Variants in GPR137C observed in about 807,000 individuals in gnomAD.
GPR137C encodes the protein G protein-coupled receptor 137C, also known as integral membrane protein GPR137C.
A neutral mutation model predicts 43.4 loss-of-function variants in GPR137C; 27 were observed. The observed-to-expected ratio is 0.62, with a 90% CI of 0.46 to 0.86. The LOEUF is 0.86. Ranked by LOEUF, GPR137C falls within the 40% of genes least tolerant of loss-of-function variation. The probability of loss-of-function intolerance (pLI) is 0.00; values close to 1 mark genes in which losing one functional copy is unlikely to be tolerated. For missense variants in GPR137C, 522 were observed against 534.6 expected (o/e 0.98, Z 0.23); for synonymous variants, 285 against 226.9 (o/e 1.26, Z -2.30).
chr14:52,574,677 C>T (rs911864638), intron 1 of GPR137C, among the ~76,000 whole-genome samples: 15 of 152,116 alleles, frequency 9.9e-5, no homozygotes. Flanking sequence ...CAAACTTGCA[C>T]GTTCTGCACG....
In GPR137C at chr14:52,600,098, C is replaced by T; in HGVS notation, c.489-15C>T. The T allele has an allele frequency of 1.9e-6, 3 of 1,559,758 alleles. No homozygotes were observed. Among genetic ancestry groups the T allele is most frequent in the South Asian group, 2.2e-5 (2 of 89,680 alleles). ...ATTAGTTATATAACCATCTAATATA[C>T]TTTTTTTCTTTCAGAATTCTACTGC... On this transcript the variant is annotated splice_polypyrimidine_tract_variant and intron_variant, in intron 2 of 6. Transcript: ENST00000321662.
intron 1 of GPR137C, among the ~76,000 whole-genome samples, chr14:52,556,209 T>C (rs1461212991): frequency 1.3e-5 from 2 of 152,166 alleles, no homozygotes; most frequent in Non-Finnish European, 2.9e-5. Flanking sequence ...ATATTACTTT[T>C]CACTTGTTTA....
chr14:52,584,773 T>G (rs1459761164), intron 1 of GPR137C, among the ~76,000 whole-genome samples: 3 of 152,030 alleles, frequency 2.0e-5, no homozygotes, highest in African/African-American at 7.2e-5. Context: ...TAGTCCTGAT[T>G]GATTGATTGC....
rs561675187 is a variant in GPR137C, at chr14:52,558,799, A to C, written c.444+5208A>C. ...ATTAAAAACTGAAATGGATGGTTAA[A>C]CAGATTAAACACAGTTAAAAAGAAA... On this transcript the variant is annotated intron_variant, in intron 1 of 6. Coordinates refer to ENST00000321662, the MANE Select transcript of GPR137C (RefSeq NM_001099652.2). Among the ~76,000 whole-genome samples, 11 of 152,342 alleles carry C rather than the reference A, an allele frequency of 7.2e-5. No individual in the cohort carries two copies. The South Asian group carries it at 2.1e-3, about 29-fold the overall frequency.
At chr14:52,612,414 C>G (rs1408403991) in intron 3 of GPR137C, 1 of 980,290 alleles carries the variant, frequency 1.0e-6, no homozygotes, top group African/African-American at 1.8e-5. Context: ...GAATGTCAGC[C>G]TCCATAATGT....
At chr14:52,556,391 C>CTTTTTTTTT (rs76210630) in intron 1 of GPR137C, among the ~76,000 whole-genome samples, 1 of 140,276 alleles carries the variant, frequency 7.1e-6, no homozygotes. Context: ...CCCCTTTTTT[C>CTTTTTTTTT]TTTTTTTTTT....
At chr14:52,594,629 A>G (rs918299922) in intron 1 of GPR137C, among the ~76,000 whole-genome samples, 2 of 152,166 alleles carry the variant, frequency 1.3e-5, no homozygotes, top group Non-Finnish European at 2.9e-5. Flanking sequence ...ATCAGAGACT[A>G]TGATTGCAAC....
chr14:52,574,902 A>G (rs953641870), intron 1 of GPR137C, among the ~76,000 whole-genome samples: 1 of 152,152 alleles, frequency 6.6e-6, no homozygotes, highest in Non-Finnish European at 1.5e-5. Flanking sequence ...AAAAGCATGA[A>G]TGGTTTTATG....
intron 3 of GPR137C, chr14:52,612,988 T>C (rs925202468): frequency 1.3e-5 from 2 of 152,032 alleles, no homozygotes; most frequent in African/African-American, 4.9e-5. Context: ...TCACGCCTGT[T>C]GTAATCCCAG....
intron 1 of GPR137C, among the ~76,000 whole-genome samples, chr14:52,590,398 G>A (rs2139504621): frequency 6.6e-6 from 1 of 152,192 alleles, no homozygotes; most frequent in East Asian, 1.9e-4. Flanking sequence ...AGTAAGCTGA[G>A]GTTAATTTAT....
At chr14:52,564,712 A>G (rs1422250309) in intron 1 of GPR137C, among the ~76,000 whole-genome samples, 1 of 152,312 alleles carries the variant, frequency 6.6e-6, no homozygotes, top group Admixed American at 6.5e-5. Flanking sequence ...ATTGGTAAGC[A>G]CTATAGGAAT....
intron 1 of GPR137C, among the ~76,000 whole-genome samples, chr14:52,587,436 G>A (rs1482204394): frequency 1.3e-5 from 2 of 152,138 alleles, no homozygotes; most frequent in African/African-American, 4.8e-5. Context: ...AAGGCACAGA[G>A]ATATAAAATT....
At chr14:52,571,290 A>G (rs2038464145) in intron 1 of GPR137C, among the ~76,000 whole-genome samples, 1 of 152,230 alleles carries the variant, frequency 6.6e-6, no homozygotes, top group African/African-American at 2.4e-5. Flanking sequence ...GAAACCAATG[A>G]GAATAAACAC....
At chr14:52,611,537 AT>A (rs1038843845) in intron 3 of GPR137C, 1 of 383,846 alleles carries the variant, frequency 2.6e-6, no homozygotes, top group Non-Finnish European at 3.6e-6. Flanking sequence ...ATTTTTTGTT[AT>A]TTTTTTAATT....
At chr14:52,594,026 T>G (rs897290781) in intron 1 of GPR137C, among the ~76,000 whole-genome samples, 1 of 152,246 alleles carries the variant, frequency 6.6e-6, no homozygotes, top group African/African-American at 2.4e-5. Context: ...TCTGGTACGA[T>G]GTGTCTTTGT....
chr14:52,582,767 C>T (rs925577411), intron 1 of GPR137C, among the ~76,000 whole-genome samples: 3 of 151,868 alleles, frequency 2.0e-5, no homozygotes, highest in Non-Finnish European at 2.9e-5. Context: ...GCACTCCAGC[C>T]TGGGCAACAG....
At chr14:52,609,657 A>G (rs2039017808) in intron 3 of GPR137C, among the ~76,000 whole-genome samples, 1 of 152,162 alleles carries the variant, frequency 6.6e-6, no homozygotes. Flanking sequence ...GGCTTGCTCC[A>G]TGTCTTGTGA....
chr14:52,611,928 A>G (rs781757094), intron 3 of GPR137C: 163 of 984,388 alleles, frequency 1.7e-4, no homozygotes, highest in Non-Finnish European at 1.9e-4. Flanking sequence ...TCATCATCAT[A>G]TTTTGACATA....
intron 3 of GPR137C, among the ~76,000 whole-genome samples, chr14:52,607,065 T>C (rs1239896757): frequency 1.3e-5 from 2 of 152,226 alleles, no homozygotes; most frequent in Non-Finnish European, 2.9e-5. Flanking sequence ...CAGGAACATG[T>C]TATTTAATTT....
Sources: allele counts gnomAD v4.1 joint callset (sites outside exome capture counted in the v4.1 genomes callset), GRCh38; gene constraint gnomAD v4.1.1; transcripts MANE v1.5; gene names NCBI Gene and HGNC (gene_info 2026-07-23, HGNC 2026-07-21).